The following GPR158 variants were observed in gnomAD, a reference collection of about 807,000 sequenced individuals.
GPR158 encodes G protein-coupled receptor 158.
GPR158 carries 30 observed loss-of-function variants against 78.2 expected under a neutral mutation model. The ratio of observed to expected loss-of-function variants is 0.38; its 90% CI spans 0.29 to 0.52. The LOEUF (loss-of-function observed/expected upper bound fraction) is 0.52, where lower values mean the gene tolerates loss of function less well. GPR158 is among the 20% of genes least tolerant of loss of function. GPR158 has a pLI of 0.83. For synonymous variants in GPR158, 581 were observed against 591.1 expected (o/e 0.98, Z 0.25); for missense variants, 1,463 against 1,523.5 (o/e 0.96, Z 0.66).
chr10:25,388,130 A>G (rs1834247091), intron 2 of GPR158, among the ~76,000 whole-genome samples: 6 of 152,158 alleles, frequency 3.9e-5, no homozygotes, highest in Non-Finnish European at 1.5e-5. Context: ...TCTTTTGTAA[A>G]TCTCTGCTGG....
chr10:25,433,584 C>G (rs929783717), intron 4 of GPR158, among the ~76,000 whole-genome samples: 1 of 139,172 alleles, frequency 7.2e-6, no homozygotes, highest in Non-Finnish European at 1.6e-5. Context: ...CGCGCGCGTG[C>G]GCGTGCGCAT....
intron 2 of GPR158, among the ~76,000 whole-genome samples, chr10:25,300,543 G>A (rs1002120399): frequency 6.8e-6 from 1 of 146,724 alleles, no homozygotes; most frequent in Non-Finnish European, 1.5e-5. Flanking sequence ...CTTTGGGATT[G>A]GAAGGTTGGG....
intron 4 of GPR158, among the ~76,000 whole-genome samples, chr10:25,454,883 G>A (rs1307584603): frequency 3.3e-5 from 5 of 152,036 alleles, no homozygotes; most frequent in Non-Finnish European, 7.4e-5. Context: ...CCTTGAATAT[G>A]CATCAACAGT....
intron 2 of GPR158, among the ~76,000 whole-genome samples, chr10:25,232,291 G>T (rs1489101297): frequency 2.0e-5 from 3 of 152,108 alleles, no homozygotes; most frequent in African/African-American, 7.2e-5. Context: ...ATTAACTTAT[G>T]TGGGAAAAAA....
intron 5 of GPR158, among the ~76,000 whole-genome samples, chr10:25,524,701 A>G (rs757641506): frequency 3.3e-5 from 5 of 152,210 alleles, no homozygotes; most frequent in Non-Finnish European, 5.9e-5. Flanking sequence ...AAACATAGAT[A>G]TAAATTTTTA....
chr10:25,416,191 A>G (rs1295911518), intron 4 of GPR158, among the ~76,000 whole-genome samples: 4 of 152,132 alleles, frequency 2.6e-5, no homozygotes, highest in Non-Finnish European at 5.9e-5. Flanking sequence ...CAATTCATGT[A>G]TGCTTCCCAC....
intron 2 of GPR158, among the ~76,000 whole-genome samples, chr10:25,319,241 A>G (rs1411313054): frequency 1.3e-5 from 2 of 152,180 alleles, no homozygotes; most frequent in East Asian, 3.9e-4. Flanking sequence ...AATCTAGAGT[A>G]GTTACCTCCC....
At chr10:25,359,654 A>T (rs1352370742) in intron 2 of GPR158, among the ~76,000 whole-genome samples, 1 of 152,152 alleles carries the variant, frequency 6.6e-6, no homozygotes, top group Non-Finnish European at 1.5e-5. Flanking sequence ...TATCCAGTCT[A>T]TCATTGATGG....
At chr10:25,362,619 C>A (rs1322315622) in intron 2 of GPR158, among the ~76,000 whole-genome samples, 1 of 151,806 alleles carries the variant, frequency 6.6e-6, no homozygotes, top group Non-Finnish European at 1.5e-5. Flanking sequence ...TCTTTAATTT[C>A]TTTCAGCAAA....
chr10:25,276,940 T>C (rs1352822719), intron 2 of GPR158, among the ~76,000 whole-genome samples: 1 of 150,080 alleles, frequency 6.7e-6, no homozygotes, highest in East Asian at 1.9e-4. Flanking sequence ...TACAAAAGCA[T>C]CCAACTATTT....
intron 4 of GPR158, among the ~76,000 whole-genome samples, chr10:25,423,121 ATATATATG>A (rs1442506781): frequency 4.3e-5 from 1 of 23,112 alleles, no homozygotes; most frequent in Admixed American, 3.2e-4. Context: ...ACATATATAC[ATATATATG>A]TATATACATA....
intron 5 of GPR158, among the ~76,000 whole-genome samples, chr10:25,547,256 G>C (rs1334657693): frequency 2.6e-5 from 4 of 152,046 alleles, no homozygotes; most frequent in Non-Finnish European, 4.4e-5. Flanking sequence ...ATTCCCTGGT[G>C]CACACACTGC....
intron 3 of GPR158, among the ~76,000 whole-genome samples, chr10:25,400,238 G>C (rs1460422566): frequency 6.6e-6 from 1 of 152,138 alleles, no homozygotes; most frequent in Non-Finnish European, 1.5e-5. Flanking sequence ...AAAGGATATA[G>C]AGCAAAGATA....
At chr10:25,226,145 T>C (rs1357420079) in intron 2 of GPR158, among the ~76,000 whole-genome samples, 2 of 152,174 alleles carry the variant, frequency 1.3e-5, no homozygotes, top group Non-Finnish European at 2.9e-5. Context: ...TTCACCTATC[T>C]CTAGAGCCAT....
At chr10:25,551,759 GAA>G (rs1382154954) in intron 6 of GPR158, among the ~76,000 whole-genome samples, 4 of 152,254 alleles carry the variant, frequency 2.6e-5, no homozygotes, top group Non-Finnish European at 5.9e-5. Context: ...CAGGTTTAAA[GAA>G]AGTCTCAATT....
intron 4 of GPR158, among the ~76,000 whole-genome samples, chr10:25,434,244 T>C (rs536471929): frequency 1.3e-5 from 2 of 152,304 alleles, no homozygotes; most frequent in African/African-American, 2.4e-5. Context: ...TTATGAGTTA[T>C]GAAGAATGAG....
At chr10:25,508,799 T>C (rs754693598) in intron 5 of GPR158, among the ~76,000 whole-genome samples, 39 of 152,182 alleles carry the variant, frequency 2.6e-4, no homozygotes, top group African/African-American at 8.9e-4. Flanking sequence ...ATTAGTAATA[T>C]AAGGGTATTT....
chr10:25,417,079 G>C (rs956085), intron 4 of GPR158, among the ~76,000 whole-genome samples: 108,049 of 151,964 alleles, frequency 0.71, 39,498 homozygotes, highest in Non-Finnish European at 0.81. Context: ...CAACCAGTCA[G>C]TGAGATGAAA....
rs1396309785 is a variant in GPR158, at chr10:25,517,309, G to A, written c.1405-33667G>A. ...GGTTTTCTAGATAAACAATCATGTCGTCTGCAAACAGGGACAATTTGACTT... is the reference window on the plus strand; with the variant it reads ...GGTTTTCTAGATAAACAATCATGTCATCTGCAAACAGGGACAATTTGACTT... On this transcript the variant is annotated intron_variant, in intron 5 of 10. Coordinates refer to ENST00000376351, the MANE Select transcript of GPR158 (RefSeq NM_020752.3). 2.5e-3 allele frequency among the ~76,000 whole-genome samples: 377 copies of A among 151,710 alleles called. 2 individuals carry two copies. Among genetic ancestry groups the A allele is most frequent in the African/African-American group, 8.0e-3 (328 of 41,246 alleles).
Sources: gnomAD v4.1 joint callset for allele counts (sites outside exome capture counted in the v4.1 genomes callset) on GRCh38, gnomAD v4.1.1 for gene constraint, MANE v1.5 for transcripts, NCBI Gene and HGNC (gene_info 2026-07-23, HGNC 2026-07-21) for gene names.